The following SDK1 variants were observed in gnomAD, a reference collection of about 807,000 sequenced individuals.
SDK1 encodes the protein sidekick cell adhesion molecule 1.
In SDK1, 157 loss-of-function variants were observed where a neutral mutation model predicts 245.5. The ratio of observed to expected loss-of-function variants is 0.64; its 90% CI spans 0.56 to 0.73. The LOEUF is 0.73. Among genes scored for constraint, SDK1 ranks in the 30% least tolerant of loss-of-function variants. SDK1 has a pLI of 0.00. For missense variants in SDK1, 3,583 were observed against 3,002.3 expected (o/e 1.19, Z -4.52); for synonymous variants, 1,647 against 1,278.5 (o/e 1.29, Z -6.15).
intron 44 of SDK1, among the ~76,000 whole-genome samples, chr7:4,260,049 T>A (rs1787882628): frequency 6.6e-6 from 1 of 152,270 alleles, no homozygotes; most frequent in African/African-American, 2.4e-5. Flanking sequence ...GCCACGTTTA[T>A]CATCGTCACC....
chr7:3,856,315 A>G (rs1020266167), intron 5 of SDK1, among the ~76,000 whole-genome samples: 2 of 152,086 alleles, frequency 1.3e-5, no homozygotes, highest in South Asian at 4.1e-4. Flanking sequence ...AAGAAAATAT[A>G]TGAAAAGAGG....
chr7:4,066,136 T>C (rs1299823866), intron 19 of SDK1, among the ~76,000 whole-genome samples: 1 of 152,156 alleles, frequency 6.6e-6, no homozygotes, highest in Non-Finnish European at 1.5e-5. Context: ...TCTCCATCAT[T>C]CTTTTCCTCC....
At chr7:3,505,338 C>G (rs772575676) in intron 1 of SDK1, among the ~76,000 whole-genome samples, 1 of 152,116 alleles carries the variant, frequency 6.6e-6, no homozygotes, top group Non-Finnish European at 1.5e-5. Context: ...CCTCAAACCC[C>G]TTGGCTCAAG....
At chr7:3,870,363 G>C (rs1010709875) in intron 5 of SDK1, among the ~76,000 whole-genome samples, 1 of 152,122 alleles carries the variant, frequency 6.6e-6, no homozygotes, top group Non-Finnish European at 1.5e-5. Flanking sequence ...AGGGGAAGAT[G>C]ATGGCCATCA....
intron 35 of SDK1, among the ~76,000 whole-genome samples, chr7:4,183,612 G>A (rs1321088500): frequency 1.4e-5 from 2 of 145,096 alleles, no homozygotes; most frequent in Non-Finnish European, 3.0e-5. Context: ...CTGCACTCCA[G>A]CCTGGGCTAC....
intron 1 of SDK1, among the ~76,000 whole-genome samples, chr7:3,393,337 G>T (rs1300974080): frequency 6.6e-6 from 1 of 152,036 alleles, no homozygotes; most frequent in East Asian, 1.9e-4. Flanking sequence ...ATAATTCTGT[G>T]TTTAGCTTTA....
chr7:3,585,474 G>C (rs1780655272), intron 1 of SDK1, among the ~76,000 whole-genome samples: 1 of 152,214 alleles, frequency 6.6e-6, no homozygotes, highest in African/African-American at 2.4e-5. Context: ...ATTAAGCATG[G>C]AAAGAGAGAG....
chr7:3,975,143 C>G (rs1187515230), intron 13 of SDK1, among the ~76,000 whole-genome samples: 4 of 152,162 alleles, frequency 2.6e-5, no homozygotes, highest in African/African-American at 9.7e-5. Flanking sequence ...TGCTCTCTTT[C>G]TCCCTCCACT....
chr7:3,891,284 T>C (rs755003113), intron 5 of SDK1, among the ~76,000 whole-genome samples: 6 of 152,126 alleles, frequency 3.9e-5, no homozygotes, highest in African/African-American at 9.7e-5. Context: ...GGGAGGACTT[T>C]CCAGGCCGTG....
rs76748084 is a variant in SDK1 at position 4,231,063 on chromosome 7, C to T, written c.5828-2192C>T. On this transcript the variant is annotated intron_variant, in intron 40 of 44. Coordinates refer to ENST00000404826, the MANE Select transcript of SDK1 (RefSeq NM_152744.4). ...AGAGGAGGCCTGAACAGAGTAAATGCACAAGCCTTCCCTGACCATTCTTAA... is the reference window on the plus strand; with the variant it reads ...AGAGGAGGCCTGAACAGAGTAAATGTACAAGCCTTCCCTGACCATTCTTAA... 1.8e-3 allele frequency among the ~76,000 whole-genome samples: 278 copies of T among 152,224 alleles called. 8 individuals are homozygous for T. In the East Asian group the frequency reaches 0.046, roughly 25 times the overall value.
intron 1 of SDK1, among the ~76,000 whole-genome samples, chr7:3,348,627 C>G (rs1780570610): frequency 6.6e-6 from 1 of 152,176 alleles, no homozygotes; most frequent in South Asian, 2.1e-4. Flanking sequence ...ATGGGCTCGT[C>G]TGCACCCCAA....
chr7:3,517,179 T>C (rs1282686809), intron 1 of SDK1, among the ~76,000 whole-genome samples: 1 of 152,138 alleles, frequency 6.6e-6, no homozygotes, highest in Non-Finnish European at 1.5e-5. Flanking sequence ...TAGCAGCATG[T>C]GGTGTGATAG....
At chr7:3,723,658 T>TGTGTGTGTG (rs1554254470) in intron 4 of SDK1, among the ~76,000 whole-genome samples, 1 of 134,112 alleles carries the variant, frequency 7.5e-6, no homozygotes, top group African/African-American at 3.0e-5. Context: ...TAAGTAAAAG[T>TGTGTGTGTG]TGTGTGTGTG....
At chr7:3,716,415 C>G (rs780332560) in intron 4 of SDK1, among the ~76,000 whole-genome samples, 1 of 152,266 alleles carries the variant, frequency 6.6e-6, no homozygotes, top group South Asian at 2.1e-4. Flanking sequence ...TGAAAAAAAT[C>G]TGTCAACCAT....
intron 32 of SDK1, among the ~76,000 whole-genome samples, chr7:4,165,534 G>C (rs938021704): frequency 2.0e-5 from 3 of 152,158 alleles, no homozygotes; most frequent in African/African-American, 7.2e-5. Flanking sequence ...CTGTCTTCCA[G>C]GGTGGAGTGC....
chr7:3,354,062 G>C (rs987256753), intron 1 of SDK1, among the ~76,000 whole-genome samples: 3 of 149,920 alleles, frequency 2.0e-5, no homozygotes, highest in Admixed American at 1.3e-4. Flanking sequence ...GCGAGATCTC[G>C]GCTCGCTGCA....
At chr7:3,786,621 C>G (rs1343872624) in intron 4 of SDK1, among the ~76,000 whole-genome samples, 1 of 152,150 alleles carries the variant, frequency 6.6e-6, no homozygotes, top group Non-Finnish European at 1.5e-5. Context: ...AGTGAATGGA[C>G]TGAAATACAG....
At chr7:4,118,827 G>C (rs1038434040) in intron 25 of SDK1, among the ~76,000 whole-genome samples, 1 of 148,956 alleles carries the variant, frequency 6.7e-6, no homozygotes, top group African/African-American at 2.5e-5. Flanking sequence ...CCAGGCACAA[G>C]AGACCACATA....
intron 44 of SDK1, among the ~76,000 whole-genome samples, chr7:4,246,401 G>A (rs531331924): frequency 1.1e-4 from 16 of 152,084 alleles, no homozygotes; most frequent in Non-Finnish European, 2.1e-4. Context: ...CTCCTGCCTC[G>A]GAGGCCCATT....
Sources: allele counts gnomAD v4.1 joint callset (sites outside exome capture counted in the v4.1 genomes callset), GRCh38; gene constraint gnomAD v4.1.1; transcripts MANE v1.5; gene names NCBI Gene and HGNC (gene_info 2026-07-23, HGNC 2026-07-21).